Variants in CHST2 observed in about 807,000 individuals in gnomAD.
The protein encoded by CHST2 is carbohydrate sulfotransferase 2, also known as N-acetylglucosamine 6-O-sulfotransferase 1.
CHST2 carries 23 observed loss-of-function variants against 34.6 expected under a neutral mutation model. That is an observed-to-expected ratio of 0.67 (90% CI 0.48 to 0.94). The LOEUF (loss-of-function observed/expected upper bound fraction) is 0.94, where lower values mean the gene tolerates loss of function less well. Among genes scored for constraint, CHST2 ranks in the 40% least tolerant of loss-of-function variants. The pLI is 0.00. For missense variants in CHST2, 720 were observed against 759.5 expected, an observed-to-expected ratio of 0.95 and a Z score of 0.61; for synonymous variants, 392 against 343.1, an observed-to-expected ratio of 1.14 and a Z score of -1.58.
Position 143,121,202 on chromosome 3 carries a change from C to CA in CHST2, c.386_387insA (p.Ala130ArgfsTer106), listed in dbSNP as rs768361017. On this transcript the variant is annotated frameshift_variant, in exon 2 of 2. Coordinates refer to ENST00000309575, the MANE Select transcript of CHST2 (RefSeq NM_004267.5). LOFTEE classifies it high-confidence loss of function. ...GACCTCCGCACTCCTTACCGCCCTC[C>CA]CGCTGCCGCCGTCGGGGCGGCTCCT... 1 of 1,560,050 alleles carries CA rather than the reference C, an allele frequency of 6.4e-7. No individual in the cohort carries two copies. The highest frequency in any genetic ancestry group is 1.2e-5 in the South Asian group (1 of 84,842).
At position 143,121,001 on chromosome 3, in the gene CHST2, ATGCACTGC is replaced by A. The variant is rs1379398623; in HGVS notation, c.189_196del (p.Leu64GlyfsTer169). On this transcript the variant is annotated frameshift_variant, in exon 2 of 2. Coordinates refer to ENST00000309575, the MANE Select transcript of CHST2 (RefSeq NM_004267.5). LOFTEE classifies it high-confidence loss of function. The stretch of plus-strand genomic sequence containing the variant: ...AAGGCGCTGGTGTTGTGCGCGGGCT[ATGCACTGC>A]TGCTGGTGCTCACTATGCTCAACCT... 1 of 1,543,960 alleles carries A rather than the reference ATGCACTGC, an allele frequency of 6.5e-7. No individual in the cohort carries two copies. Among genetic ancestry groups the A allele is most frequent in the Non-Finnish European group, 8.7e-7 (1 of 1,146,066 alleles).
rs999641956 is a variant in CHST2, at chr3:143,123,396, A to G, written c.*987A>G. ...AAAGGATTTTTAAAAAAAGTATGTA[A>G]TTTTTAAAAGTTCTGATGATTAGAA... On this transcript the variant is annotated 3_prime_UTR_variant, in exon 2 of 2. Coordinates refer to ENST00000309575, the MANE Select transcript of CHST2 (RefSeq NM_004267.5). 1 of 152,222 alleles carries G rather than the reference A, an allele frequency of 6.6e-6. No homozygotes were observed. The highest frequency in any genetic ancestry group is 2.4e-5 in the African/African-American group (1 of 41,458). 9.4% of individuals were successfully genotyped at this position (152,222 alleles called of 1,614,324 possible).
rs1051707166 is a variant in CHST2 at position 143,122,164 on chromosome 3, GA to G, written c.1351del (p.Met451TrpfsTer6). The stretch of plus-strand genomic sequence containing the variant: ...TTTTGTGGGACTGTTGGTGAGCCCC[GA>G]AATGGAGCAGTTTGCCCTGAACATG... ...YDFVGLLVSPEMEQFALNMTS... is the reference protein window; with the variant it reads ...YDFVGLLVSPXMEQFALNMTS... On this transcript the variant is annotated frameshift_variant, in exon 2 of 2. Coordinates refer to ENST00000309575, the MANE Select transcript of CHST2 (RefSeq NM_004267.5). LOFTEE classifies it high-confidence loss of function. 1 of 1,614,160 alleles carries G rather than the reference GA, an allele frequency of 6.2e-7. No individual in the cohort carries two copies.
Position 143,120,540 on chromosome 3 carries a change from A to G in CHST2, c.-175A>G, listed in dbSNP as rs1471348887. 4.7e-6 allele frequency: 1 copy of G among 213,682 alleles called. No homozygotes were observed. Among genetic ancestry groups the G allele is most frequent in the Non-Finnish European group, 9.1e-6 (1 of 109,290 alleles). The allele number at this position is 213,682 out of a possible 1,614,324, so 13.2% of individuals were successfully genotyped here. On this transcript the variant is annotated splice_region_variant and 5_prime_UTR_variant, in exon 1 of 2. Transcript: ENST00000309575. This position sits in a 1 kb window ranked among gnomAD's most constrained non-coding sequence, Gnocchi z 4.1. ...CGCTCCCGGGCGCGCCCTCGGCTCC[A>G]GGTGAGCGGAGGAACCGGGCAGAAC... is the stretch of plus-strand genomic sequence containing the variant.
At position 143,121,516 on chromosome 3, in the gene CHST2, T is replaced by C. The variant is rs1387146891; in HGVS notation, c.700T>C (p.Tyr234His). The change falls in exon 2 of 2, where the codon TAT (tyrosine) becomes CAT (histidine). Residue 234 changes from tyrosine to histidine, a missense_variant. Physicochemically the swap from Tyr to His is moderately conservative, Grantham distance 83 (BLOSUM62 2). Coordinates refer to ENST00000309575, the MANE Select transcript of CHST2 (RefSeq NM_004267.5). Reference sequence around the variant, plus strand: ...CTGCGACCTCTCTGTCTTCCAGTTGTATAGCCCCGCGGGCAGCGGGGGGCG... The same window carrying C: ...CTGCGACCTCTCTGTCTTCCAGTTGCATAGCCCCGCGGGCAGCGGGGGGCG... Reference protein sequence around the residue: ...YRCDLSVFQLYSPAGSGGRNL... With the variant: ...YRCDLSVFQLHSPAGSGGRNL... The C allele has an allele frequency of 1.2e-6, 2 of 1,610,774 alleles. No individual in the cohort carries two copies. The highest frequency in any genetic ancestry group is 1.7e-6 in the Non-Finnish European group (2 of 1,178,546).
At position 143,121,286 on chromosome 3, in the gene CHST2, C is replaced by T. The variant is rs781450720; in HGVS notation, c.470C>T (p.Thr157Ile). The change falls in exon 2 of 2, where the codon ACC (threonine) becomes ATC (isoleucine). Residue 157 changes from threonine (T) to isoleucine (I), a missense_variant. Thr to Ile is a moderately conservative substitution (Grantham distance 89, BLOSUM62 -1). Around this residue, in one of 4 missense-constraint regions of CHST2, gnomAD observed 287 missense variants for 242.7 expected, o/e 1.18. Transcript: ENST00000309575. The stretch of plus-strand genomic sequence containing the variant: ...CCTCCAGGCAATGGCACTCGGGGCA[C>T]CGGGGGCGTCGGGGACAAGCGGCAG... Reference protein sequence around the residue: ...AAPPGNGTRGTGGVGDKRQLV... With the variant: ...AAPPGNGTRGIGGVGDKRQLV... The T allele has an allele frequency of 6.2e-7, 1 of 1,610,250 alleles. No homozygotes were observed. The highest frequency in any genetic ancestry group is 8.5e-7 in the Non-Finnish European group (1 of 1,178,714).
rs1936226000 is a variant in CHST2 at position 143,121,782 on chromosome 3, C to T, written c.966C>T (p.Ala322=). The T allele has an allele frequency of 4.4e-6, 7 of 1,607,922 alleles. No homozygotes were observed. The highest frequency in any genetic ancestry group is 5.9e-6 in the Non-Finnish European group (7 of 1,177,196). The change falls in exon 2 of 2, where the codon GCC becomes GCT. Residue 322 remains alanine (A), a synonymous_variant. Transcript: ENST00000309575. ...AVLAPLLRDP[A]LDLKVIHLVR... The stretch of plus-strand genomic sequence containing the variant: ...TGGCGCCACTGCTGCGAGACCCGGC[C>T]CTGGACCTCAAGGTCATCCACTTGG...
At position 143,121,094 on chromosome 3, in the gene CHST2, G is replaced by A; in HGVS notation, c.278G>A (p.Gly93Asp). 2.7e-6 allele frequency: 4 copies of A among 1,500,234 alleles called. No individual in the cohort carries two copies. The allele number at this position is 1,500,234 out of a possible 1,614,324, so 92.9% of individuals were successfully genotyped here. Reference sequence around the variant, plus strand: ...CAGTGCAACCCCGATGGGCCGCTGGGTGCCGCAGCGGGGGCAGCCGGAGGC... The same window carrying A: ...CAGTGCAACCCCGATGGGCCGCTGGATGCCGCAGCGGGGGCAGCCGGAGGC... The part of the protein sequence containing the change: ...LQQCNPDGPL[G>D]AAAGAAGGSW... Residue 93 changes from glycine (G) to aspartate (D), a missense_variant, in exon 2 of 2, where the codon GGT becomes GAT. This residue lies in a region of CHST2 where 287 missense variants were observed against 242.7 expected (regional missense o/e 1.18). Coordinates refer to ENST00000309575, the MANE Select transcript of CHST2 (RefSeq NM_004267.5).
In CHST2 at chr3:143,122,471, TTAAATAAACACA is replaced by T; in HGVS notation, c.*63_*74del. The T allele has an allele frequency of 6.9e-7, 1 of 1,445,322 alleles. No homozygotes were observed. Among genetic ancestry groups the T allele is most frequent in the Non-Finnish European group, 9.2e-7 (1 of 1,090,916 alleles). 89.5% of individuals were successfully genotyped at this position (1,445,322 alleles called of 1,614,324 possible). ...ACCTATAAAGAGGATCGTAGTGTGT[TTAAATAAACACA>T]GTCCAGACTCAAACGGAGGAAGCCC... On this transcript the variant is annotated 3_prime_UTR_variant, in exon 2 of 2. Transcript: ENST00000309575.
At position 143,120,213 on chromosome 3, in the gene CHST2, C is replaced by G. The variant is rs1009392946; in HGVS notation, c.-502C>G. 1 of 152,696 alleles carries G rather than the reference C, an allele frequency of 6.5e-6. No individual in the cohort carries two copies. Among genetic ancestry groups the G allele is most frequent in the Admixed American group, 6.5e-5 (1 of 15,286 alleles). The allele number at this position is 152,696 out of a possible 1,614,324, so 9.5% of individuals were successfully genotyped here. ...GAGTCCCATATAAGCCGCCCCCAGC[C>G]ATCGCCCCCAGCCGGCTTCGTTCCC... On this transcript the variant is annotated 5_prime_UTR_variant, in exon 1 of 2. Transcript: ENST00000309575. The surrounding 1 kb of genome is among the most constrained non-coding windows in gnomAD (Gnocchi z 4.1).
chr3:143,123,788 A>G lies in CHST2; in HGVS notation c.*1379A>G, dbSNP rs1936263452. The G allele has an allele frequency of 6.6e-6, 1 of 152,240 alleles. No individual in the cohort carries two copies. The highest frequency in any genetic ancestry group is 1.5e-5 in the Non-Finnish European group (1 of 68,044). 9.4% of individuals were successfully genotyped at this position (152,240 alleles called of 1,614,324 possible). On this transcript the variant is annotated 3_prime_UTR_variant, in exon 2 of 2. Coordinates refer to ENST00000309575, the MANE Select transcript of CHST2 (RefSeq NM_004267.5). Reference sequence around the variant, plus strand: ...TTAGATATGATAATGAATTGTGGTAAAGAGGAAATGAAAATGAACTAGTGT... The same window carrying G: ...TTAGATATGATAATGAATTGTGGTAGAGAGGAAATGAAAATGAACTAGTGT...
At position 143,119,796 on chromosome 3, in the gene CHST2, G is replaced by C. The variant is rs913249380; in HGVS notation, c.-919G>C. On this transcript the variant is annotated 5_prime_UTR_variant, in exon 1 of 2. Coordinates refer to ENST00000309575, the MANE Select transcript of CHST2 (RefSeq NM_004267.5). The stretch of plus-strand genomic sequence containing the variant: ...GCAGAGGCTGGTCCGAGCGCGTTGC[G>C]GGCGCCCGGCGTAAGGGGAGTCGGG... 1 of 152,142 alleles carries C rather than the reference G, an allele frequency of 6.6e-6. No individual in the cohort carries two copies. Among genetic ancestry groups the C allele is most frequent in the Non-Finnish European group, 1.5e-5 (1 of 67,990 alleles). 9.4% of individuals were successfully genotyped at this position (152,142 alleles called of 1,614,324 possible).
Position 143,121,155 on chromosome 3 carries a change from G to A in CHST2, c.339G>A (p.Pro113=). ...WGRPGPPPAG[P]PRAHARLDLR... ...GCCCAGGGCCGCCTCCGGCCGGGCC[G>A]CCCCGTGCTCATGCCCGTTTGGACC... Residue 113 remains proline (P), a synonymous_variant, in exon 2 of 2, where the codon CCG becomes CCA. Coordinates refer to ENST00000309575, the MANE Select transcript of CHST2 (RefSeq NM_004267.5). 6.8e-7 allele frequency: 1 copy of A among 1,465,586 alleles called. No homozygotes were observed. The highest frequency in any genetic ancestry group is 8.9e-7 in the Non-Finnish European group (1 of 1,120,274). 90.8% of individuals were successfully genotyped at this position (1,465,586 alleles called of 1,614,324 possible).
In CHST2 at chr3:143,121,333, T is replaced by A; in HGVS notation, c.517T>A (p.Trp173Arg). 6.2e-7 allele frequency: 1 copy of A among 1,613,516 alleles called. No individual in the cohort carries two copies. Among genetic ancestry groups the A allele is most frequent in the Non-Finnish European group, 8.5e-7 (1 of 1,179,988 alleles). The change falls in exon 2 of 2, where the codon TGG becomes AGG. Residue 173 changes from tryptophan (W) to arginine (R), a missense_variant. Around this residue, in one of 4 missense-constraint regions of CHST2, gnomAD observed 43 missense variants for 77.6 expected, o/e 0.55. Transcript: ENST00000309575. ...KRQLVYVFTT[W>R]RSGSSFFGEL... is the part of the protein sequence containing the mutation. ...GCAGCTGGTGTACGTGTTCACCACG[T>A]GGCGCTCTGGCTCGTCGTTCTTCGG... is the stretch of plus-strand genomic sequence containing the variant.
rs1936198107 is a variant in CHST2, at chr3:143,120,774, C to A, written c.-43C>A. On this transcript the variant is annotated 5_prime_UTR_variant, in exon 2 of 2. Coordinates refer to ENST00000309575, the MANE Select transcript of CHST2 (RefSeq NM_004267.5). This position sits in a 1 kb window ranked among gnomAD's most constrained non-coding sequence, Gnocchi z 4.1. The stretch of plus-strand genomic sequence containing the variant: ...CCCGCTGCGTCCCCTTCCCGGGCTG[C>A]AGGGCTGCCTCCGCCGCGCCGCCGG... 2 of 1,215,370 alleles carry A rather than the reference C, an allele frequency of 1.6e-6. No homozygotes were observed. The highest frequency in any genetic ancestry group is 3.2e-5 in the African/African-American group (2 of 63,042). The allele number at this position is 1,215,370 out of a possible 1,614,324, so 75.3% of individuals were successfully genotyped here. A position where few individuals can be genotyped will look rare whatever the true frequency, so the allele number is the denominator to read the frequency against.
rs1288443146 is a variant in CHST2 at position 143,122,159 on chromosome 3, G to A, written c.1343G>A (p.Ser448Asn). 2 of 1,614,184 alleles carry A rather than the reference G, an allele frequency of 1.2e-6. No individual in the cohort carries two copies. The highest frequency in any genetic ancestry group is 2.2e-5 in the East Asian group (1 of 44,884). Residue 448 changes from serine to asparagine, a missense_variant, in exon 2 of 2, where the codon AGC (serine) becomes AAC (asparagine). Ser to Asn is a conservative substitution (Grantham distance 46). Coordinates refer to ENST00000309575, the MANE Select transcript of CHST2 (RefSeq NM_004267.5). ...TACGATTTTGTGGGACTGTTGGTGA[G>A]CCCCGAAATGGAGCAGTTTGCCCTG... ...RVYDFVGLLV[S>N]PEMEQFALNM...
chr3:143,120,971 G>T lies in CHST2; in HGVS notation c.155G>T (p.Arg52Leu), dbSNP rs1936203842. Residue 52 changes from arginine (R) to leucine (L), a missense_variant, in exon 2 of 2, where the codon CGT becomes CTT. Around this residue, in one of 4 missense-constraint regions of CHST2, gnomAD observed 287 missense variants for 242.7 expected, o/e 1.18. Coordinates refer to ENST00000309575, the MANE Select transcript of CHST2 (RefSeq NM_004267.5). This position sits in a 1 kb window ranked among gnomAD's most constrained non-coding sequence, Gnocchi z 4.1. ...PASPLGMKVF[R>L]RKALVLCAGY... Reference sequence around the variant, plus strand: ...TCCCCTCTCGGAATGAAGGTGTTCCGTAGGAAGGCGCTGGTGTTGTGCGCG... The same window carrying T: ...TCCCCTCTCGGAATGAAGGTGTTCCTTAGGAAGGCGCTGGTGTTGTGCGCG... The T allele has an allele frequency of 6.5e-7, 1 of 1,541,938 alleles. No individual in the cohort carries two copies. The highest frequency in any genetic ancestry group is 8.7e-7 in the Non-Finnish European group (1 of 1,145,438).
In CHST2 at chr3:143,123,630, A is replaced by G. The variant is rs1936261346; in HGVS notation, c.*1221A>G. ...TCCCATTTAAATCAGTGCAAGAGAGAATATGAATTTATAATGCTTTACTTG... is the reference window on the plus strand; with the variant it reads ...TCCCATTTAAATCAGTGCAAGAGAGGATATGAATTTATAATGCTTTACTTG... On this transcript the variant is annotated 3_prime_UTR_variant, in exon 2 of 2. Coordinates refer to ENST00000309575, the MANE Select transcript of CHST2 (RefSeq NM_004267.5). The G allele has an allele frequency of 6.6e-6, 1 of 152,198 alleles. No individual in the cohort carries two copies. The allele number at this position is 152,198 out of a possible 1,614,324, so 9.4% of individuals were successfully genotyped here. A position where few individuals can be genotyped will look rare whatever the true frequency, so the allele number is the denominator to read the frequency against.
rs910292679 is a variant in CHST2 at position 143,121,266 on chromosome 3, A to G, written c.450A>G (p.Pro150=). Reference sequence around the variant, plus strand: ...GGATGGCGGGGGTTGCGGCCCCTCCAGGCAATGGCACTCGGGGCACCGGGG... The same window carrying G: ...GGATGGCGGGGGTTGCGGCCCCTCCGGGCAATGGCACTCGGGGCACCGGGG... ...AAGMAGVAAP[P]GNGTRGTGGV... is the part of the protein sequence containing the mutation. Residue 150 remains proline, a synonymous_variant, in exon 2 of 2, where the codon CCA becomes CCG. Transcript: ENST00000309575. The G allele has an allele frequency of 6.2e-7, 1 of 1,600,776 alleles. No individual in the cohort carries two copies.
Sources: allele counts gnomAD v4.1 joint callset, GRCh38; gene constraint gnomAD v4.1.1; regional missense constraint gnomAD v4.1.1; non-coding constraint Gnocchi (gnomAD v3.1); transcripts MANE v1.5; gene names NCBI Gene and HGNC (gene_info 2026-07-23, HGNC 2026-07-21).